TRPM7: variants seen among roughly 807,000 people sequenced by gnomAD.
TRPM7 encodes the protein transient receptor potential cation channel subfamily M member 7.
Under a neutral mutation model 229.7 loss-of-function variants are expected in TRPM7, and 134 were observed. The ratio of observed to expected loss-of-function variants is 0.58; its 90% CI spans 0.51 to 0.67. The LOEUF (loss-of-function observed/expected upper bound fraction) is 0.67, where lower values mean the gene tolerates loss of function less well. TRPM7 is among the 30% of genes least tolerant of loss of function. TRPM7 has a pLI of 0.00. For missense variants in TRPM7, 1,901 were observed against 2,210.0 expected, an observed-to-expected ratio of 0.86 and a Z score of 2.80; for synonymous variants, 699 against 715.2, an observed-to-expected ratio of 0.98 and a Z score of 0.36.
intron 38 of TRPM7, among the ~76,000 whole-genome samples, chr15:50,562,061 A>C (rs927034295): frequency 6.6e-6 from 1 of 151,862 alleles, no homozygotes; most frequent in African/African-American, 2.4e-5. Flanking sequence ...TGCCCGGCTA[A>C]TTTTTTGTAT....
rs998569910 is a variant in TRPM7, at chr15:50,586,439, C to T, written c.4439G>A (p.Gly1480Glu). The T allele has an allele frequency of 1.9e-6, 3 of 1,613,270 alleles. No individual in the cohort carries two copies. Among genetic ancestry groups the T allele is most frequent in the African/African-American group, 2.7e-5 (2 of 74,894 alleles). ...GGAAGTTCTGTGACAGTCAGTAAAT[C>T]CAGCAAGAGAACTCACTCGTTTCAA... ...NTLKRVSSLA[G>E]FTDCHRTSIP... Residue 1480 changes from glycine (G) to glutamate (E), a missense_variant, in exon 28 of 39, where the codon GGA becomes GAA. Physicochemically the swap from Gly to Glu is moderately conservative, Grantham distance 98. Transcript: ENST00000646667.
rs749040748 is a variant in TRPM7 at position 50,612,534 on chromosome 15, TA to T, written c.2051+14del. The T allele has an allele frequency of 1.3e-6, 2 of 1,598,990 alleles. No individual in the cohort carries two copies. The highest frequency in any genetic ancestry group is 3.4e-5 in the Admixed American group (2 of 58,094). On this transcript the variant is annotated intron_variant, in intron 16 of 38. Transcript: ENST00000646667. ...GAATTTTTAAAATGTTTTCAAATGA[TA>T]AAATACCACTTACTTGGAATACTGT...
chr15:50,678,616 C>T (rs2062158210), intron 1 of TRPM7, among the ~76,000 whole-genome samples: 1 of 151,022 alleles, frequency 6.6e-6, no homozygotes, highest in Admixed American at 6.6e-5. Context: ...CTGCCAACTA[C>T]TCAACTAATT....
At chr15:50,604,439 G>C (rs2059867094) in intron 21 of TRPM7, 1 of 152,850 alleles carries the variant, frequency 6.5e-6, no homozygotes, top group Admixed American at 6.5e-5. Context: ...GGGCATGGTG[G>C]CACATGCCTG....
At chr15:50,582,074 T>G (rs2054442413) in intron 29 of TRPM7, among the ~76,000 whole-genome samples, 1 of 152,210 alleles carries the variant, frequency 6.6e-6, no homozygotes, top group Non-Finnish European at 1.5e-5. Flanking sequence ...GAGACTCTCC[T>G]GCTTCAGCCT....
chr15:50,671,778 C>T (rs1032133089), intron 1 of TRPM7, among the ~76,000 whole-genome samples: 8 of 152,076 alleles, frequency 5.3e-5, no homozygotes, highest in Non-Finnish European at 1.2e-4. Flanking sequence ...CCACTACACT[C>T]CAGCCTGGGT....
intron 13 of TRPM7, among the ~76,000 whole-genome samples, chr15:50,615,894 C>T (rs944869612): frequency 3.3e-5 from 5 of 152,076 alleles, no homozygotes; most frequent in Admixed American, 2.6e-4. Flanking sequence ...GAAACTCCGT[C>T]TCAAAAAAAT....
rs956634269 is a variant in TRPM7, at chr15:50,559,542, T to C, written c.*2136A>G. The C allele has an allele frequency of 6.8e-6, 1 of 147,044 alleles. No individual in the cohort carries two copies. The highest frequency in any genetic ancestry group is 1.5e-5 in the Non-Finnish European group (1 of 67,372). 9.1% of individuals were successfully genotyped at this position (147,044 alleles called of 1,614,324 possible). A position where few individuals can be genotyped will look rare whatever the true frequency, so the allele number is the denominator to read the frequency against. ...AAAACAAAACAAAACAAAAACAGTA[T>C]AGATGAAAGGCAGCCAGCCTGGGTT... is the stretch of plus-strand genomic sequence containing the variant. On this transcript the variant is annotated 3_prime_UTR_variant, in exon 39 of 39. Transcript: ENST00000646667.
chr15:50,646,596 A>G (rs1430566956), intron 4 of TRPM7, among the ~76,000 whole-genome samples: 1 of 152,210 alleles, frequency 6.6e-6, no homozygotes, highest in African/African-American at 2.4e-5. Context: ...AAATGTTCAA[A>G]TCTAAATAAA....
chr15:50,561,841 AAAAG>A (rs765529578), intron 38 of TRPM7, 33 bp from the exon 39 acceptor site: 36 of 1,505,888 alleles, frequency 2.4e-5, no homozygotes, highest in East Asian at 1.9e-4. Flanking sequence ...TTAAAAAAAA[AAAAG>A]AAAGAGAAAA....
chr15:50,593,569 A>G lies in TRPM7; in HGVS notation c.3608+48T>C, dbSNP rs752360914. 18 of 1,574,258 alleles carry G rather than the reference A, an allele frequency of 1.1e-5. No individual in the cohort carries two copies. The South Asian group carries it at 2.1e-4, about 18-fold the overall frequency. Reference sequence around the variant, plus strand: ...ACCATGTATAAGAAATATAACGAATAGATCCCATTTTGACATATAACCGAT... The same window carrying G: ...ACCATGTATAAGAAATATAACGAATGGATCCCATTTTGACATATAACCGAT... On this transcript the variant is annotated intron_variant, in intron 25 of 38. Transcript: ENST00000646667.
chr15:50,618,152 G>A (rs770512060), intron 13 of TRPM7, among the ~76,000 whole-genome samples: 5 of 152,014 alleles, frequency 3.3e-5, no homozygotes, highest in Admixed American at 1.3e-4. Flanking sequence ...GGTGATAAAC[G>A]TTTAAAACTT....
chr15:50,650,962 G>A (rs1220707226), intron 3 of TRPM7, among the ~76,000 whole-genome samples: 1 of 152,172 alleles, frequency 6.6e-6, no homozygotes, highest in African/African-American at 2.4e-5. Context: ...ATGGAGACCG[G>A]CAGTTTGCTT....
chr15:50,557,290 A>T lies in TRPM7; in HGVS notation c.*4388T>A, dbSNP rs918938901. ...TATGGAAAAACATTTTGTCATTCAG[A>T]TTTTTTTTTCTTACAGTATGCCCAT... On this transcript the variant is annotated 3_prime_UTR_variant, in exon 39 of 39. Coordinates refer to ENST00000646667, the MANE Select transcript of TRPM7 (RefSeq NM_017672.6). 1.3e-5 allele frequency: 2 copies of T among 151,648 alleles called. No homozygotes were observed. Among genetic ancestry groups the T allele is most frequent in the Non-Finnish European group, 2.9e-5 (2 of 67,878 alleles). The allele number at this position is 151,648 out of a possible 1,614,324, so 9.4% of individuals were successfully genotyped here.
intron 4 of TRPM7, among the ~76,000 whole-genome samples, chr15:50,644,301 T>A (rs920213278): frequency 2.0e-5 from 3 of 151,930 alleles, no homozygotes; most frequent in Non-Finnish European, 2.9e-5. Flanking sequence ...CCTGTTTAAG[T>A]GATATCATAA....
At chr15:50,563,900 C>G (rs2053443741) in intron 38 of TRPM7, among the ~76,000 whole-genome samples, 3 of 152,042 alleles carry the variant, frequency 2.0e-5, no homozygotes, top group Admixed American at 2.0e-4. Context: ...CTTGTTGTTG[C>G]CCAGGCTGAA....
chr15:50,601,969 T>TA (rs926067135), intron 21 of TRPM7, among the ~76,000 whole-genome samples: 22 of 151,158 alleles, frequency 1.5e-4, no homozygotes, highest in South Asian at 2.1e-4. Context: ...TTTTTTTTTT[T>TA]AATGATTATA....
At chr15:50,636,591 C>T (rs1024990932) in intron 7 of TRPM7, among the ~76,000 whole-genome samples, 2 of 152,088 alleles carry the variant, frequency 1.3e-5, no homozygotes, top group African/African-American at 4.8e-5. Context: ...AGCTCAACTT[C>T]CTGGGGTCCT....
intron 21 of TRPM7, among the ~76,000 whole-genome samples, chr15:50,602,350 A>G (rs2059803514): frequency 6.6e-6 from 1 of 152,014 alleles, no homozygotes; most frequent in East Asian, 1.9e-4. Flanking sequence ...ACTTGGACAC[A>G]GGGTAGGGAA....
Sources: allele counts gnomAD v4.1 joint callset (sites outside exome capture counted in the v4.1 genomes callset), GRCh38; gene constraint gnomAD v4.1.1; transcripts MANE v1.5; gene names NCBI Gene and HGNC (gene_info 2026-07-23, HGNC 2026-07-21).